Variants in GABBR2 observed in about 807,000 individuals in gnomAD.
GABBR2 encodes G-protein coupled receptor 51.
GABBR2 carries 23 observed loss-of-function variants against 105.6 expected under a neutral mutation model. The ratio of observed to expected loss-of-function variants is 0.22; its 90% CI spans 0.16 to 0.31. GABBR2 has a LOEUF of 0.31. Among genes scored for constraint, GABBR2 ranks in the 10% least tolerant of loss-of-function variants. The pLI is 1.00. For synonymous variants in GABBR2, 478 were observed against 499.7 expected, an observed-to-expected ratio of 0.96 and a Z score of 0.58; for missense variants, 734 against 1,245.5, an observed-to-expected ratio of 0.59 and a Z score of 6.18.
intron 1 of GABBR2, among the ~76,000 whole-genome samples, chr9:98,625,337 C>T (rs2131824516): frequency 6.6e-6 from 1 of 152,334 alleles, no homozygotes; most frequent in Admixed American, 6.5e-5. Context: ...CCAGGAGACA[C>T]CACCATCCAC....
intron 4 of GABBR2, among the ~76,000 whole-genome samples, chr9:98,490,853 G>A (rs1827161983): frequency 6.6e-6 from 1 of 152,166 alleles, no homozygotes; most frequent in African/African-American, 2.4e-5. Context: ...CCCCTGTTCA[G>A]AACAGGCTTG....
chr9:98,373,425 A>G (rs575792528), intron 11 of GABBR2, among the ~76,000 whole-genome samples: 12 of 152,286 alleles, frequency 7.9e-5, no homozygotes, highest in African/African-American at 2.4e-4. Context: ...ACCATGCCAC[A>G]CAGCTCCAGA....
intron 2 of GABBR2, among the ~76,000 whole-genome samples, chr9:98,554,660 T>C (rs1828555679): frequency 6.6e-6 from 1 of 152,236 alleles, no homozygotes; most frequent in African/African-American, 2.4e-5. Context: ...TTATTTATTA[T>C]GATAAATTGT....
chr9:98,676,240 G>C (rs1253818267), intron 1 of GABBR2, among the ~76,000 whole-genome samples: 1 of 152,186 alleles, frequency 6.6e-6, no homozygotes, highest in African/African-American at 2.4e-5. Context: ...AGGTGACCTC[G>C]AGAAGTTGAA....
intron 15 of GABBR2, among the ~76,000 whole-genome samples, chr9:98,304,629 T>G (rs1244428053): frequency 6.6e-6 from 1 of 152,194 alleles, no homozygotes; most frequent in Non-Finnish European, 1.5e-5. Flanking sequence ...GCTGACTGCA[T>G]GTCCAGGAGG....
chr9:98,611,115 C>T (rs1829499819), intron 1 of GABBR2, among the ~76,000 whole-genome samples: 1 of 152,232 alleles, frequency 6.6e-6, no homozygotes, highest in African/African-American at 2.4e-5. Flanking sequence ...TACAGAACCA[C>T]CATCCTGTCC....
intron 13 of GABBR2, among the ~76,000 whole-genome samples, chr9:98,335,680 CA>C (rs1296135587): frequency 6.6e-6 from 1 of 152,180 alleles, no homozygotes; most frequent in Non-Finnish European, 1.5e-5. Flanking sequence ...ACAACAACAA[CA>C]ACAACAACCA....
rs61216428 is a variant in GABBR2, at chr9:98,390,375, C to CAAAAAAAAAAAA, written c.1379-1383_1379-1372dup. On this transcript the variant is annotated intron_variant, in intron 9 of 18. Transcript: ENST00000259455. ...GGTGACAGAGCAAGACTCCATCTCA[C>CAAAAAAAAAAAA]AAAAAAAAAAAAAAAAAAAAAAAAA... 1.4e-3 allele frequency among the ~76,000 whole-genome samples: 47 copies of CAAAAAAAAAAAA among 32,432 alleles called. 4 individuals are homozygous for CAAAAAAAAAAAA. The highest frequency in any genetic ancestry group is 4.1e-3 in the African/African-American group (41 of 9,942). 21.3% of individuals were successfully genotyped at this position (32,432 alleles called of 152,430 possible).
chr9:98,391,194 C>A (rs1158986800), intron 9 of GABBR2, among the ~76,000 whole-genome samples: 1 of 152,162 alleles, frequency 6.6e-6, no homozygotes, highest in Non-Finnish European at 1.5e-5. Context: ...AGGGAACTTA[C>A]ACACTAGCCA....
chr9:98,469,128 G>T (rs1826617202), intron 6 of GABBR2, among the ~76,000 whole-genome samples: 1 of 152,206 alleles, frequency 6.6e-6, no homozygotes, highest in African/African-American at 2.4e-5. Context: ...TTCTCACACT[G>T]CTATAAAGAA....
intron 8 of GABBR2, among the ~76,000 whole-genome samples, chr9:98,399,374 C>A (rs1832349946): frequency 6.8e-6 from 1 of 147,400 alleles, no homozygotes; most frequent in Admixed American, 6.7e-5. Flanking sequence ...AAAAAGAATT[C>A]ATCTTGGATG....
intron 8 of GABBR2, among the ~76,000 whole-genome samples, chr9:98,396,745 A>G (rs1291332400): frequency 6.6e-6 from 1 of 152,224 alleles, no homozygotes; most frequent in Non-Finnish European, 1.5e-5. Context: ...CAGGTTGATC[A>G]GAATCAATCA....
intron 7 of GABBR2, among the ~76,000 whole-genome samples, chr9:98,424,486 A>G (rs1333335704): frequency 6.6e-6 from 1 of 152,192 alleles, no homozygotes; most frequent in Non-Finnish European, 1.5e-5. Flanking sequence ...GGCCAGGGCA[A>G]TTAGGCAGGA....
chr9:98,678,822 G>C (rs534512233), intron 1 of GABBR2, among the ~76,000 whole-genome samples: 1 of 152,242 alleles, frequency 6.6e-6, no homozygotes, highest in Non-Finnish European at 1.5e-5. Flanking sequence ...ATTTCCTATG[G>C]TTGTTTCTAT....
intron 3 of GABBR2, among the ~76,000 whole-genome samples, chr9:98,515,076 G>T (rs1269400502): frequency 6.6e-6 from 1 of 152,148 alleles, no homozygotes; most frequent in Non-Finnish European, 1.5e-5. Context: ...AGCCAAGGAA[G>T]GATGGACCCT....
intron 1 of GABBR2, among the ~76,000 whole-genome samples, chr9:98,680,069 T>C (rs902068537): frequency 3.3e-5 from 5 of 152,212 alleles, no homozygotes; most frequent in African/African-American, 4.8e-5. Flanking sequence ...TATAGGGGCC[T>C]AAGCCATGAA....
chr9:98,451,949 C>G (rs932646955), intron 7 of GABBR2, among the ~76,000 whole-genome samples: 1 of 152,228 alleles, frequency 6.6e-6, no homozygotes, highest in Non-Finnish European at 1.5e-5. Context: ...AAAACCTACC[C>G]TGACTTTTTC....
rs558075988 is a variant in GABBR2 at position 98,359,912 on chromosome 9, C to T, written c.1893+2803G>A. On this transcript the variant is annotated intron_variant, in intron 13 of 18. Coordinates refer to ENST00000259455, the MANE Select transcript of GABBR2 (RefSeq NM_005458.8). ...AGGCAGAGCAGGTTCTCGACTCCAG[C>T]GGAGCCAGTGAACACAGGGACACCT... is the stretch of plus-strand genomic sequence containing the variant. Among the ~76,000 whole-genome samples the T allele has an allele frequency of 5.3e-5, 8 of 152,262 alleles. No homozygotes were observed. In the East Asian group the frequency reaches 5.8e-4, roughly 11 times the overall value.
At chr9:98,520,213 A>G (rs1303550541) in intron 3 of GABBR2, among the ~76,000 whole-genome samples, 1 of 152,238 alleles carries the variant, frequency 6.6e-6, no homozygotes, top group Non-Finnish European at 1.5e-5. Flanking sequence ...AAAGTCAAGA[A>G]GGGGAGGTGT....
Sources: gnomAD v4.1 joint callset for allele counts (sites outside exome capture counted in the v4.1 genomes callset) on GRCh38, gnomAD v4.1.1 for gene constraint, MANE v1.5 for transcripts, NCBI Gene and HGNC (gene_info 2026-07-23, HGNC 2026-07-21) for gene names.